The following GRAMD2B variants were observed in gnomAD, a reference collection of about 807,000 sequenced individuals.
GRAMD2B encodes the protein GRAM domain-containing protein 2B.
A neutral mutation model predicts 59.2 loss-of-function variants in GRAMD2B; 41 were observed. The ratio of observed to expected loss-of-function variants is 0.69; its 90% CI spans 0.54 to 0.90. The LOEUF (loss-of-function observed/expected upper bound fraction) is 0.90. Among genes scored for constraint, GRAMD2B ranks in the 40% least tolerant of loss-of-function variants. The pLI is 0.00. For synonymous variants in GRAMD2B, 161 were observed against 182.7 expected, an observed-to-expected ratio of 0.88 and a Z score of 0.96; for missense variants, 424 against 500.5, an observed-to-expected ratio of 0.85 and a Z score of 1.46.
intron 1 of GRAMD2B, among the ~76,000 whole-genome samples, chr5:126,405,698 T>C (rs997089344): frequency 6.6e-6 from 1 of 151,832 alleles, no homozygotes; most frequent in Non-Finnish European, 1.5e-5. Flanking sequence ...CTTTTTTTTT[T>C]TTCAATCTAG....
intron 3 of GRAMD2B, among the ~76,000 whole-genome samples, chr5:126,470,932 G>A (rs969186690): frequency 1.3e-5 from 2 of 152,110 alleles, no homozygotes; most frequent in African/African-American, 2.4e-5. Flanking sequence ...TTTTTGAAGC[G>A]TTTATGGCCT....
At chr5:126,465,086 C>T (rs779962954) in intron 1 of GRAMD2B, 35 of 1,137,224 alleles carry the variant, frequency 3.1e-5, no homozygotes, top group East Asian at 2.8e-4. Context: ...TGTACATGTG[C>T]GTGTGTGCTT....
Position 126,469,703 on chromosome 5 carries a change from C to T in GRAMD2B, c.230C>T (p.Ser77Phe), listed in dbSNP as rs1769181791. 1.3e-6 allele frequency: 2 copies of T among 1,577,508 alleles called. No individual in the cohort carries two copies. Among genetic ancestry groups the T allele is most frequent in the East Asian group, 4.6e-5 (2 of 43,424 alleles). Residue 77 changes from serine (S) to phenylalanine (F), a missense_variant, in exon 3 of 14, where the codon TCT becomes TTT. Ser to Phe is a radical substitution (Grantham distance 155, BLOSUM62 -2). Coordinates refer to ENST00000285689, the MANE Select transcript of GRAMD2B (RefSeq NM_023927.4). ...TCAAAATCCAGTTTTGATGGTGCCT[C>T]TTTAGCAAGTGATAAGAACGACTGT... ...LWSKSSFDGA[S>F]LASDKNDCKT...
chr5:126,441,679 G>A (rs149512374), intron 1 of GRAMD2B, among the ~76,000 whole-genome samples: 1 of 152,228 alleles, frequency 6.6e-6, no homozygotes, highest in African/African-American at 2.4e-5. Flanking sequence ...CACTGCAATG[G>A]CTAGTCCTGG....
At chr5:126,452,208 G>A (rs1765500332) in intron 1 of GRAMD2B, among the ~76,000 whole-genome samples, 1 of 152,140 alleles carries the variant, frequency 6.6e-6, no homozygotes, top group African/African-American at 2.4e-5. Context: ...TCAGTGTCTG[G>A]TGAGGGCACA....
At chr5:126,481,148 C>T (rs192676846) in intron 8 of GRAMD2B, among the ~76,000 whole-genome samples, 2 of 135,520 alleles carry the variant, frequency 1.5e-5, no homozygotes, top group African/African-American at 5.5e-5. Context: ...CCTTCAGAGA[C>T]TTCACAACTT....
chr5:126,453,164 G>T (rs887377862), intron 1 of GRAMD2B, among the ~76,000 whole-genome samples: 1 of 152,032 alleles, frequency 6.6e-6, no homozygotes, highest in Non-Finnish European at 1.5e-5. Context: ...GTGAAATTCT[G>T]TCTCTATTAA....
Position 126,493,867 on chromosome 5 carries a change from T to C in GRAMD2B, c.*911T>C, listed in dbSNP as rs1196041491. 1 of 152,658 alleles carries C rather than the reference T, an allele frequency of 6.6e-6. No homozygotes were observed. Among genetic ancestry groups the C allele is most frequent in the Non-Finnish European group, 1.5e-5 (1 of 68,034 alleles). 9.5% of individuals were successfully genotyped at this position (152,658 alleles called of 1,614,324 possible). On this transcript the variant is annotated 3_prime_UTR_variant, in exon 14 of 14. Transcript: ENST00000285689. ...CTTTCAGCATGAAATTTGTATGTTT[T>C]TATCCTTTGCTGACTAAAATAAAAT...
intron 1 of GRAMD2B, among the ~76,000 whole-genome samples, chr5:126,374,632 T>C (rs1010373242): frequency 4.6e-5 from 7 of 152,232 alleles, no homozygotes; most frequent in East Asian, 1.9e-4. Flanking sequence ...TAAGAACATA[T>C]GTATTTTCTG....
chr5:126,488,477 T>C (rs1469229877), intron 12 of GRAMD2B, among the ~76,000 whole-genome samples: 1 of 152,148 alleles, frequency 6.6e-6, no homozygotes, highest in East Asian at 1.9e-4. Flanking sequence ...ACAGAAAGGA[T>C]ATTAGGGGTT....
At chr5:126,488,623 A>T (rs1310042487) in intron 12 of GRAMD2B, among the ~76,000 whole-genome samples, 176 bp from the exon 13 acceptor site, 3 of 152,242 alleles carry the variant, frequency 2.0e-5, no homozygotes, top group African/African-American at 7.2e-5. Context: ...TTAGTTCCCT[A>T]AACATCTAGC....
chr5:126,446,620 T>TA (rs34271639), intron 1 of GRAMD2B, among the ~76,000 whole-genome samples: 2,358 of 135,176 alleles, frequency 0.017, 51 homozygotes, highest in African/African-American at 0.048. Context: ...TTTTAAAAAT[T>TA]AAAAAAAAAA....
intron 1 of GRAMD2B, among the ~76,000 whole-genome samples, chr5:126,451,854 TCTCA>T (rs1765437486): frequency 6.6e-6 from 1 of 152,116 alleles, no homozygotes; most frequent in Non-Finnish European, 1.5e-5. Context: ...ATAAGTGAAT[TCTCA>T]CTCAGTTAGT....
At chr5:126,480,344 G>A in intron 6 of GRAMD2B, 112 bp from the exon 7 acceptor site, 1 of 662,326 alleles carries the variant, frequency 1.5e-6, no homozygotes. Flanking sequence ...ATCAAAGAGA[G>A]GTCCATGTTG....
chr5:126,404,850 A>G (rs1758133844), intron 1 of GRAMD2B, among the ~76,000 whole-genome samples: 1 of 151,920 alleles, frequency 6.6e-6, no homozygotes, highest in African/African-American at 2.4e-5. Flanking sequence ...AAGAAGAATT[A>G]TACAACATAA....
Position 126,423,467 on chromosome 5 carries a change from C to T in GRAMD2B, c.-140C>T. The T allele has an allele frequency of 6.9e-7, 1 of 1,442,636 alleles. No homozygotes were observed. Among genetic ancestry groups the T allele is most frequent in the Non-Finnish European group, 9.1e-7 (1 of 1,103,874 alleles). 89.4% of individuals were successfully genotyped at this position (1,442,636 alleles called of 1,614,324 possible). A position where few individuals can be genotyped will look rare whatever the true frequency, so the allele number is the denominator to read the frequency against. Reference sequence around the variant, plus strand: ...GCCCCGGGAGCTTGGCGCGGCCCGGCCTGGATGCGCTGGGCGGAGGGTGCA... The same window carrying T: ...GCCCCGGGAGCTTGGCGCGGCCCGGTCTGGATGCGCTGGGCGGAGGGTGCA... On this transcript the variant is annotated 5_prime_UTR_variant, in exon 1 of 14. Coordinates refer to ENST00000285689, the MANE Select transcript of GRAMD2B (RefSeq NM_023927.4).
intron 12 of GRAMD2B, 99 bp downstream of exon 12, chr5:126,487,076 T>C: frequency 1.5e-6 from 1 of 689,000 alleles, no homozygotes; most frequent in Non-Finnish European, 2.6e-6. Context: ...TAATTGGAGA[T>C]ACATTCTGTA....
At chr5:126,387,370 C>T (rs754831690) in intron 1 of GRAMD2B, among the ~76,000 whole-genome samples, 9 of 151,722 alleles carry the variant, frequency 5.9e-5, no homozygotes, top group East Asian at 1.9e-4. Flanking sequence ...GTTTATGAGG[C>T]TAAACAAATG....
exon 1 of GRAMD2B, chr5:126,360,304 T>A (rs1297919434): frequency 6.4e-7 from 1 of 1,550,438 alleles, no homozygotes; most frequent in Non-Finnish European, 8.7e-7. Context: ...TTCCCAGAGT[T>A]TCTTGAAGAT....
Sources: gnomAD v4.1 joint callset for allele counts (sites outside exome capture counted in the v4.1 genomes callset) on GRCh38, gnomAD v4.1.1 for gene constraint, MANE v1.5 for transcripts, NCBI Gene and HGNC (gene_info 2026-07-23, HGNC 2026-07-21) for gene names.